Variants in SEC16A observed in about 807,000 individuals in gnomAD.
SEC16A encodes protein transport protein Sec16A.
SEC16A carries 110 observed loss-of-function variants against 221.9 expected under a neutral mutation model. That is an observed-to-expected ratio of 0.50 (90% CI 0.42 to 0.58). The LOEUF (loss-of-function observed/expected upper bound fraction) is 0.58. Among genes scored for constraint, SEC16A ranks in the 20% least tolerant of loss-of-function variants. The pLI is 0.00. For synonymous variants in SEC16A, 1,393 were observed against 1,257.7 expected (o/e 1.11, Z -2.28); for missense variants, 3,165 against 3,097.8 (o/e 1.02, Z -0.52).
chr9:136,449,532 G>A (rs1309049175), intron 23 of SEC16A, among the ~76,000 whole-genome samples: 3 of 152,180 alleles, frequency 2.0e-5, no homozygotes, highest in Non-Finnish European at 4.4e-5. Context: ...ACAGGCGTGA[G>A]CCGCCGCACC....
chr9:136,445,513 C>G, intron 29 of SEC16A, 132 bp downstream of exon 29: 1 of 709,050 alleles, frequency 1.4e-6, no homozygotes, highest in East Asian at 2.7e-5. Context: ...GGAACACCAC[C>G]TTCGAGGTGC....
upstream of SEC16A, chr9:136,484,437 A>G (rs1277006094): frequency 8.3e-7 from 1 of 1,201,752 alleles, no homozygotes; most frequent in Non-Finnish European, 1.1e-6. Flanking sequence ...GCGGTTGAGG[A>G]AGCGGCCAGC....
intron 8 of SEC16A, 36 bp downstream of exon 8, chr9:136,465,926 G>A (rs1840085399): frequency 6.3e-7 from 1 of 1,588,590 alleles, no homozygotes; most frequent in East Asian, 2.3e-5. Flanking sequence ...CCCCAGTGGG[G>A]TTAGCCGGTA....
intron 12 of SEC16A, 102 bp downstream of exon 12, chr9:136,462,785 T>G (rs1839665514): frequency 1.4e-6 from 2 of 1,379,662 alleles, no homozygotes; most frequent in Admixed American, 4.6e-5. Flanking sequence ...GCGCGGATGC[T>G]CCCAAGAGGG....
At chr9:136,483,880 G>C, upstream of SEC16A, 3 of 884,072 alleles carry the variant, frequency 3.4e-6, no homozygotes, top group Non-Finnish European at 1.4e-6. Flanking sequence ...GCCTGGTTAC[G>C]GCGTGGCCGC....
chr9:136,477,525 A>C lies in SEC16A; in HGVS notation c.91T>G (p.Tyr31Asp). The C allele has an allele frequency of 6.2e-7, 1 of 1,613,748 alleles. No individual in the cohort carries two copies. Among genetic ancestry groups the C allele is most frequent in the Non-Finnish European group, 8.5e-7 (1 of 1,179,878 alleles). ...GCATTATTATTAGCCCGTCTCCTGT[A>C]AGGGCTGCTAGCCCAGAACACGCTC... ...PRSVFWASSP[Y>D]RRRANNNAAV... Residue 31 changes from tyrosine to aspartate, a missense_variant, in exon 3 of 32, where the codon TAC becomes GAC. Tyr to Asp is a radical substitution (Grantham distance 160). Coordinates refer to ENST00000684901, the MANE Select transcript of SEC16A (RefSeq NM_014866.2).
Position 136,447,397 on chromosome 9 carries a change from C to T in SEC16A, c.6560-33G>A, listed in dbSNP as rs367799456. 3.6e-5 allele frequency: 57 copies of T among 1,588,708 alleles called. No individual in the cohort carries two copies. The African/African-American group carries it at 4.7e-4, about 13-fold the overall frequency. ...GGGGAGGGAAGCAAATTGAGGTGAA[C>T]GCGCCAGGTGGCCTCCAGCTTCCAA... On this transcript the variant is annotated intron_variant, in intron 26 of 31. Coordinates refer to ENST00000684901, the MANE Select transcript of SEC16A (RefSeq NM_014866.2). The surrounding 1 kb of genome is among the most constrained non-coding windows in gnomAD (Gnocchi z 5.5).
In SEC16A at chr9:136,475,930, A is replaced by G. The variant is rs1350501095; in HGVS notation, c.1686T>C (p.Phe562=). Residue 562 remains phenylalanine, a synonymous_variant, in exon 3 of 32, where the codon TTT becomes TTC. Coordinates refer to ENST00000684901, the MANE Select transcript of SEC16A (RefSeq NM_014866.2). This position sits in a 1 kb window ranked among gnomAD's most constrained non-coding sequence, Gnocchi z 5.0. ...GKPEDEASGS[F]FKQIDSSPVG... ...CGGGAGAAGAATCGATTTGCTTAAA[A>G]AAACTACCTGAAGCTTCATCCTCGG... The G allele has an allele frequency of 6.2e-7, 1 of 1,613,572 alleles. No individual in the cohort carries two copies. The highest frequency in any genetic ancestry group is 8.5e-7 in the Non-Finnish European group (1 of 1,179,844).
rs939757434 is a variant in SEC16A, at chr9:136,459,535, C to A, written c.5212G>T (p.Ala1738Ser). ...GCCATGAGGTAGCAGAAGTGGGCCG[C>A]ATCCAAGAGGCCCCTTGAAGCTGCG... ...DTLASRGLLD[A>S]AHFCYLMAQA... Residue 1738 changes from alanine to serine, a missense_variant, in exon 16 of 32, where the codon GCG (alanine) becomes TCG (serine). Physicochemically the swap from Ala to Ser is moderately conservative, Grantham distance 99. Around this residue, in one of 3 missense-constraint regions of SEC16A, gnomAD observed 1,088 missense variants for 1,089.6 expected, o/e 1.00. Coordinates refer to ENST00000684901, the MANE Select transcript of SEC16A (RefSeq NM_014866.2). The surrounding 1 kb of genome is among the most constrained non-coding windows in gnomAD (Gnocchi z 6.1). 3 of 1,602,164 alleles carry A rather than the reference C, an allele frequency of 1.9e-6. No individual in the cohort carries two copies. In the African/African-American group the frequency reaches 4.0e-5, roughly 21 times the overall value.
intron 31 of SEC16A, among the ~76,000 whole-genome samples, chr9:136,442,407 G>C (rs1041003152): frequency 5.3e-5 from 8 of 152,258 alleles, no homozygotes; most frequent in African/African-American, 1.9e-4. Flanking sequence ...TAGAGGACCA[G>C]GGCAGGAGTG....
intron 2 of SEC16A, among the ~76,000 whole-genome samples, chr9:136,478,347 G>A (rs757265169): frequency 4.4e-4 from 65 of 147,178 alleles, no homozygotes; most frequent in Non-Finnish European, 6.4e-4. Context: ...AGGCTGTCGT[G>A]AGCTATGACA....
rs776150371 is a variant in SEC16A, at chr9:136,474,248, G to C, written c.3368C>G (p.Ser1123Cys). 19 of 1,608,924 alleles carry C rather than the reference G, an allele frequency of 1.2e-5. No individual in the cohort carries two copies. Among genetic ancestry groups the C allele is most frequent in the Non-Finnish European group, 1.4e-5 (17 of 1,177,984 alleles). The stretch of plus-strand genomic sequence containing the variant: ...CTGGCCGGAGCCACTGGACACCAGA[G>C]ACACGCTAGAGGACTGAGGAGGCCG... ...PPRPPQSSSV[S>C]LVSSGSGQAA... Residue 1123 changes from serine to cysteine, a missense_variant, in exon 3 of 32, where the codon TCT becomes TGT. Transcript: ENST00000684901.
Position 136,474,113 on chromosome 9 carries a change from G to A in SEC16A, c.3503C>T (p.Ala1168Val), listed in dbSNP as rs1841284047. Residue 1168 changes from alanine to valine, a missense_variant, in exon 3 of 32, where the codon GCC becomes GTC. Ala to Val is a moderately conservative substitution (Grantham distance 64, BLOSUM62 0). Transcript: ENST00000684901. ...CGGCAAAGAGTACTGAGGCTGGTAG[G>A]CATCGTACAAAGGCCGGTAGTAGTA... is the stretch of plus-strand genomic sequence containing the variant. ...AYYYYRPLYD[A>V]YQPQYSLPYP... is the part of the protein sequence containing the mutation. The A allele has an allele frequency of 6.2e-7, 1 of 1,613,214 alleles. No homozygotes were observed. Among genetic ancestry groups the A allele is most frequent in the Non-Finnish European group, 8.5e-7 (1 of 1,179,864 alleles).
rs768298074 is a variant in SEC16A at position 136,477,460 on chromosome 9, C to T, written c.156G>A (p.Thr52=). The change falls in exon 3 of 32, where the codon ACG becomes ACA. Residue 52 remains threonine (T), a synonymous_variant. Transcript: ENST00000684901. ...CCTGTCTACTAAAAGCAAATGGATC[C>T]GTGACCGGCTGCAACGGGCAAGTTG... ...APTTCPLQPV[T]DPFAFSRQAL... is the part of the protein sequence containing the mutation. 5.0e-6 allele frequency: 8 copies of T among 1,614,006 alleles called. No individual in the cohort carries two copies. Among genetic ancestry groups the T allele is most frequent in the South Asian group, 4.4e-5 (4 of 91,082 alleles).
Position 136,448,127 on chromosome 9 carries a change from T to C in SEC16A, c.6347A>G (p.Lys2116Arg). 1 of 1,613,710 alleles carries C rather than the reference T, an allele frequency of 6.2e-7. No individual in the cohort carries two copies. The highest frequency in any genetic ancestry group is 8.5e-7 in the Non-Finnish European group (1 of 1,179,780). Residue 2116 changes from lysine (K) to arginine (R), a missense_variant, in exon 24 of 32, where the codon AAG becomes AGG. Coordinates refer to ENST00000684901, the MANE Select transcript of SEC16A (RefSeq NM_014866.2). Reference sequence around the variant, plus strand: ...TGGCAAATAAGCTTCTGTCTTTTTCTTTCCAGGTAGCCAACGAAAGAACCA... The same window carrying C: ...TGGCAAATAAGCTTCTGTCTTTTTCCTTCCAGGTAGCCAACGAAAGAACCA... ...ESWFFRWLPG[K>R]KKTEAYLPDD...
chr9:136,441,955 G>A (rs952117805), intron 31 of SEC16A, 132 bp from the exon 32 acceptor site: 17 of 769,102 alleles, frequency 2.2e-5, no homozygotes, highest in African/African-American at 1.6e-4. Flanking sequence ...TGAAGGCTTC[G>A]TTTTTGTTTC....
Position 136,477,564 on chromosome 9 carries a change from C to CA in SEC16A, c.51_52insT (p.Ala18CysfsTer11). The CA allele has an allele frequency of 6.2e-7, 1 of 1,612,880 alleles. No homozygotes were observed. The highest frequency in any genetic ancestry group is 8.5e-7 in the Non-Finnish European group (1 of 1,179,698). On this transcript the variant is annotated frameshift_variant, in exon 3 of 32. Coordinates refer to ENST00000684901, the MANE Select transcript of SEC16A (RefSeq NM_014866.2). LOFTEE classifies it high-confidence loss of function. ...CAGAACACGCTCCGAGGATTCCCGG[C>CA]TGGAGGTGGCCCAGCCATGCCAGAC... is the stretch of plus-strand genomic sequence containing the variant.
intron 22 of SEC16A, 72 bp downstream of exon 22, chr9:136,453,356 A>G (rs768179985): frequency 1.7e-4 from 188 of 1,113,844 alleles, no homozygotes; most frequent in Non-Finnish European, 2.4e-4. Context: ...CTTACAACTC[A>G]ACAAGGAGTC....
At chr9:136,453,659 CAT>C (rs893385971) in intron 21 of SEC16A, 149 bp from the exon 22 acceptor site, 46 of 651,462 alleles carry the variant, frequency 7.1e-5, no homozygotes, top group African/African-American at 5.4e-4. Context: ...CATCTTCCCA[CAT>C]GTGTGCACAC....
Sources: allele counts gnomAD v4.1 joint callset (sites outside exome capture counted in the v4.1 genomes callset), GRCh38; gene constraint gnomAD v4.1.1; regional missense constraint gnomAD v4.1.1; non-coding constraint Gnocchi (gnomAD v3.1); transcripts MANE v1.5; gene names NCBI Gene and HGNC (gene_info 2026-07-23, HGNC 2026-07-21).